Variants in CSMD3 observed in about 807,000 individuals in gnomAD.
The protein encoded by CSMD3 is CUB and sushi domain-containing protein 3.
CSMD3 carries 177 observed loss-of-function variants against 435.2 expected under a neutral mutation model. The ratio of observed to expected loss-of-function variants is 0.41; its 90% CI spans 0.36 to 0.46. The LOEUF (loss-of-function observed/expected upper bound fraction) is 0.46, where lower values mean the gene tolerates loss of function less well. Among genes scored for constraint, CSMD3 ranks in the 20% least tolerant of loss-of-function variants. CSMD3 has a pLI of 0.34. For missense variants in CSMD3, 4,265 were observed against 4,504.6 expected (o/e 0.95, Z 1.52); for synonymous variants, 1,656 against 1,520.5 (o/e 1.09, Z -2.07).
At chr8:112,548,800 C>T (rs956130363) in intron 27 of CSMD3, among the ~76,000 whole-genome samples, 4 of 151,974 alleles carry the variant, frequency 2.6e-5, no homozygotes, top group Non-Finnish European at 5.9e-5. Context: ...TAGTAACCAT[C>T]AATGTAACTT....
chr8:113,312,654 T>A (rs2093878268), intron 2 of CSMD3: 1 of 152,148 alleles, frequency 6.6e-6, no homozygotes. Flanking sequence ...AACTAACAGG[T>A]AATATTGAAA....
chr8:112,953,102 A>G lies in CSMD3; in HGVS notation c.1420+1582T>C, dbSNP rs77384280. ...TGAACCATGCAACATGTCAAATAAC[A>G]TACGTGTAGACAAATTGAGAAGAGG... is the stretch of plus-strand genomic sequence containing the variant. On this transcript the variant is annotated intron_variant, in intron 8 of 70. Coordinates refer to ENST00000297405, the MANE Select transcript of CSMD3 (RefSeq NM_198123.2). Among the ~76,000 whole-genome samples the G allele has an allele frequency of 1.6e-3, 243 of 151,650 alleles. 2 individuals carry two copies. The East Asian group carries it at 0.043, about 27-fold the overall frequency.
intron 4 of CSMD3, among the ~76,000 whole-genome samples, chr8:113,164,585 A>G (rs1446843175): frequency 1.3e-5 from 2 of 152,012 alleles, no homozygotes; most frequent in Non-Finnish European, 2.9e-5. Context: ...GTGGTTATAA[A>G]AAGCCTTTAG....
At chr8:113,216,782 A>G (rs1006652896) in intron 3 of CSMD3, among the ~76,000 whole-genome samples, 1 of 151,878 alleles carries the variant, frequency 6.6e-6, no homozygotes, top group Admixed American at 6.6e-5. Flanking sequence ...TTAGACTGAA[A>G]TGTGGGTTTG....
At chr8:113,003,816 G>A (rs185777342) in intron 6 of CSMD3, among the ~76,000 whole-genome samples, 4 of 152,088 alleles carry the variant, frequency 2.6e-5, no homozygotes, top group South Asian at 4.1e-4. Context: ...AATCGCACAA[G>A]AGATTATCTG....
intron 58 of CSMD3, among the ~76,000 whole-genome samples, chr8:112,283,644 A>C (rs973893551): frequency 3.3e-5 from 5 of 151,636 alleles, no homozygotes; most frequent in African/African-American, 1.2e-4. Flanking sequence ...CATAAAGTTT[A>C]GTAACTGTAT....
chr8:113,092,027 A>G (rs924148671), intron 5 of CSMD3, among the ~76,000 whole-genome samples: 3 of 152,048 alleles, frequency 2.0e-5, no homozygotes, highest in Non-Finnish European at 4.4e-5. Flanking sequence ...TAAAGATCAT[A>G]CACTCTGTGA....
intron 3 of CSMD3, among the ~76,000 whole-genome samples, chr8:113,223,531 T>C (rs2092993099): frequency 6.7e-6 from 1 of 150,266 alleles, no homozygotes; most frequent in Non-Finnish European, 1.5e-5. Flanking sequence ...TAATATATAT[T>C]AGCCTTTATT....
At chr8:112,484,730 A>C (rs1324807533) in intron 31 of CSMD3, among the ~76,000 whole-genome samples, 1 of 152,090 alleles carries the variant, frequency 6.6e-6, no homozygotes, top group African/African-American at 2.4e-5. Context: ...AAAACGCAAA[A>C]TCCAAAATGC....
intron 35 of CSMD3, among the ~76,000 whole-genome samples, chr8:112,404,667 T>C (rs1831617116): frequency 6.6e-6 from 1 of 152,110 alleles, no homozygotes. Context: ...AACTGACATG[T>C]GAACAAATGT....
chr8:113,302,217 T>TATATA (rs1280586256), intron 2 of CSMD3, among the ~76,000 whole-genome samples: 3 of 78,990 alleles, frequency 3.8e-5, no homozygotes, highest in African/African-American at 7.3e-5. Flanking sequence ...CTCACCTGTA[T>TATATA]ATATAATATA....
chr8:112,947,864 A>T lies in CSMD3; in HGVS notation c.1434T>A (p.Gly478=). ...GGCATAAATTGGAAGCTGTTTTAAT[A>T]CCTCCCTCATTTACTGCAACAGCAG... The part of the protein sequence containing the change: ...SNKFSILNEG[G]IKTASNLCPD... Residue 478 remains glycine (G), a synonymous_variant, in exon 9 of 71, where the codon GGT becomes GGA. Coordinates refer to ENST00000297405, the MANE Select transcript of CSMD3 (RefSeq NM_198123.2). 6.7e-7 allele frequency: 1 copy of T among 1,481,940 alleles called. No homozygotes were observed. The highest frequency in any genetic ancestry group is 9.4e-7 in the Non-Finnish European group (1 of 1,062,138). 91.8% of individuals were successfully genotyped at this position (1,481,940 alleles called of 1,614,324 possible). A position where few individuals can be genotyped will look rare whatever the true frequency, so the allele number is the denominator to read the frequency against.
chr8:112,385,584 T>C (rs1446323688), intron 36 of CSMD3, among the ~76,000 whole-genome samples: 1 of 152,124 alleles, frequency 6.6e-6, no homozygotes, highest in Non-Finnish European at 1.5e-5. Flanking sequence ...ATTTCAGTAA[T>C]ATTTCAATAT....
At chr8:113,254,521 G>A (rs1432013569) in intron 3 of CSMD3, among the ~76,000 whole-genome samples, 2 of 152,160 alleles carry the variant, frequency 1.3e-5, no homozygotes, top group Admixed American at 6.5e-5. Flanking sequence ...TGCCCATTAT[G>A]TAAGGCACAC....
rs1818874240 is a variant in CSMD3 at position 112,283,530 on chromosome 8, C to T, written c.9332-2180G>A. On this transcript the variant is annotated intron_variant, in intron 58 of 70. Coordinates refer to ENST00000297405, the MANE Select transcript of CSMD3 (RefSeq NM_198123.2). ...ATATGAATATAATTATTTCAATATT[C>T]TATGCTTTGTGTTAGGTATAGAGTA... Among the ~76,000 whole-genome samples the T allele has an allele frequency of 3.3e-5, 5 of 151,402 alleles. No homozygotes were observed. In the South Asian group the frequency reaches 1.0e-3, roughly 32 times the overall value.
intron 5 of CSMD3, among the ~76,000 whole-genome samples, chr8:113,079,682 C>G (rs981365270): frequency 3.3e-5 from 5 of 152,164 alleles, no homozygotes; most frequent in Middle Eastern, 3.4e-3. Flanking sequence ...ACTAGAAGAA[C>G]AAAACCTAAA....
intron 35 of CSMD3, among the ~76,000 whole-genome samples, chr8:112,400,872 G>C (rs1831273117): frequency 6.6e-6 from 1 of 152,060 alleles, no homozygotes; most frequent in African/African-American, 2.4e-5. Context: ...TAGAATAGGG[G>C]CCCTCTTCAG....
Position 112,510,733 on chromosome 8 carries a change from T to C in CSMD3, c.4757-3904A>G, listed in dbSNP as rs142363898. Among the ~76,000 whole-genome samples the C allele has an allele frequency of 3.6e-3, 544 of 152,358 alleles. 1 individual carries two copies. Among genetic ancestry groups the C allele is most frequent in the African/African-American group, 0.013 (521 of 41,584 alleles). On this transcript the variant is annotated intron_variant, in intron 28 of 70. Transcript: ENST00000297405. ...TGCCCATCTCGGTCATTTCTTTGAC[T>C]GTATTGACTGTATTTTATTTAATAT...
intron 4 of CSMD3, among the ~76,000 whole-genome samples, chr8:113,143,323 A>T (rs149591325): frequency 1.6e-3 from 248 of 151,534 alleles, no homozygotes; most frequent in African/African-American, 5.9e-3. Flanking sequence ...AATGCCTCCA[A>T]ATAACAGAGA....
Sources: allele counts gnomAD v4.1 joint callset (sites outside exome capture counted in the v4.1 genomes callset), GRCh38; gene constraint gnomAD v4.1.1; transcripts MANE v1.5; gene names NCBI Gene and HGNC (gene_info 2026-07-23, HGNC 2026-07-21).